The following BTN2A1 variants were observed in gnomAD, a reference collection of about 807,000 sequenced individuals.
The protein encoded by BTN2A1 is butyrophilin subfamily 2 member A1, also known as butyrophilin, subfamily 2, member A1.
Under a neutral mutation model 34.5 loss-of-function variants are expected in BTN2A1, and 41 were observed. That is an observed-to-expected ratio of 1.19 (90% confidence interval 0.93 to 1.54). The LOEUF (loss-of-function observed/expected upper bound fraction) is 1.54, where lower values mean the gene tolerates loss of function less well. Ranked by LOEUF, BTN2A1 falls within the 40% of genes most tolerant of loss-of-function variation. The pLI is 0.00. For missense variants in BTN2A1, 642 were observed against 662.0 expected, an observed-to-expected ratio of 0.97 and a Z score of 0.33; for synonymous variants, 267 against 258.6, an observed-to-expected ratio of 1.03 and a Z score of -0.31.
At chr6:26,466,829 G>A (rs1763328692) in intron 7 of BTN2A1, among the ~76,000 whole-genome samples, 1 of 152,294 alleles carries the variant, frequency 6.6e-6, no homozygotes, top group East Asian at 1.9e-4. Flanking sequence ...TATTAACTTG[G>A]GGAATGGAGG....
At position 26,463,387 on chromosome 6, in the gene BTN2A1, G is replaced by A; in HGVS notation, c.574G>A (p.Val192Ile). Residue 192 changes from valine to isoleucine, a missense_variant, in exon 4 of 8, where the codon GTC becomes ATC. Physicochemically the swap from Val to Ile is conservative, Grantham distance 29. Coordinates refer to ENST00000312541, the MANE Select transcript of BTN2A1 (RefSeq NM_007049.5). ...TGGGGTTGCGCCTGCCCTGAAAGAG[G>A]TCTCCATGCCTGATGCAGACGGCCT... The part of the protein sequence containing the change: ...YGGVAPALKE[V>I]SMPDADGLFM... The A allele has an allele frequency of 6.2e-7, 1 of 1,614,132 alleles. No homozygotes were observed. Among genetic ancestry groups the A allele is most frequent in the Non-Finnish European group, 8.5e-7 (1 of 1,180,008 alleles).
chr6:26,466,425 G>A (rs1763319602), intron 7 of BTN2A1, among the ~76,000 whole-genome samples: 1 of 152,130 alleles, frequency 6.6e-6, no homozygotes. Context: ...TTTGAAAAAA[G>A]ACAATGCTAT....
Position 26,468,071 on chromosome 6 carries a change from TC to T in BTN2A1, c.1107del (p.Phe369LeufsTer8), listed in dbSNP as rs747468459. The T allele has an allele frequency of 1.9e-6, 3 of 1,614,208 alleles. No homozygotes were observed. The highest frequency in any genetic ancestry group is 1.1e-5 in the South Asian group (1 of 91,086). On this transcript the variant is annotated frameshift_variant, in exon 8 of 8. Transcript: ENST00000312541. LOFTEE classifies it low-confidence loss of function (END_TRUNC). ...AGCGTGCCTGACAACCCAGAGAGAT[TC>T]GACAGTCAGCCTTGTGTCCTAGGCC... ...GESVPDNPER[F>X]DSQPCVLGRE...
downstream of BTN2A1, among the ~76,000 whole-genome samples, chr6:26,471,995 T>C (rs541931747): frequency 3.3e-5 from 5 of 152,350 alleles, no homozygotes; most frequent in East Asian, 7.7e-4. Context: ...CTGAATATCA[T>C]TGGCTTTGAC....
At chr6:26,458,856 A>G in intron 2 of BTN2A1, 138 bp downstream of exon 2, 1 of 1,160,884 alleles carries the variant, frequency 8.6e-7, no homozygotes, top group Non-Finnish European at 1.3e-6. Flanking sequence ...AATTTATACC[A>G]GCACTGTCCA....
intron 5 of BTN2A1, 26 bp from the exon 6 acceptor site, chr6:26,465,927 C>A: frequency 6.2e-7 from 1 of 1,614,108 alleles, no homozygotes; most frequent in Non-Finnish European, 8.5e-7. Context: ...CTGTCAAAGA[C>A]ATGATTTTCT....
intron 4 of BTN2A1, 57 bp from the exon 5 acceptor site, chr6:26,465,128 C>G: frequency 6.7e-7 from 1 of 1,497,812 alleles, no homozygotes; most frequent in Middle Eastern, 2.1e-4. Flanking sequence ...CCTAGGGGCA[C>G]TCTTACCCCA....
rs1489909374 is a variant in BTN2A1 at position 26,459,759 on chromosome 6, G to C, written c.361G>C (p.Gly121Arg). 2.5e-6 allele frequency: 4 copies of C among 1,613,978 alleles called. No homozygotes were observed. Among genetic ancestry groups the C allele is most frequent in the Non-Finnish European group, 3.4e-6 (4 of 1,180,004 alleles). Residue 121 changes from glycine (G) to arginine (R), a missense_variant, in exon 3 of 8, where the codon GGC becomes CGC. By Grantham distance (125) the Gly-to-Arg change is moderately radical. Coordinates refer to ENST00000312541, the MANE Select transcript of BTN2A1 (RefSeq NM_007049.5). ...ACACAACATCACAGCCCAGGAAAAC[G>C]GCACCTACCGCTGTTACTTCCAAGA... ...VIHNITAQEN[G>R]TYRCYFQEGR...
chr6:26,463,641 G>A (rs983606969), intron 4 of BTN2A1, 116 bp downstream of exon 4: 35 of 1,254,082 alleles, frequency 2.8e-5, no homozygotes, highest in Non-Finnish European at 3.7e-5. Context: ...GGGCCCTAAG[G>A]ACCTGGAGGC....
chr6:26,464,914 G>T (rs1763267285), intron 4 of BTN2A1, among the ~76,000 whole-genome samples: 1 of 152,194 alleles, frequency 6.6e-6, no homozygotes, highest in South Asian at 2.1e-4. Flanking sequence ...CTTGAGGCAG[G>T]GTGGTGGCTG....
rs1216495888 is a variant in BTN2A1, at chr6:26,465,362, T to G, written c.890T>G (p.Leu297Arg). The change falls in exon 5 of 8, where the codon CTG (leucine) becomes CGG (arginine). Residue 297 changes from leucine (L) to arginine (R), a missense_variant. Transcript: ENST00000312541. ...ACAAGAGAAATTGCTCTAAAGGAAC[T>G]GGAGAAAGAACGTGTGCAAAAAGAG... ...RETREIALKE[L>R]EKERVQKEEE... The G allele has an allele frequency of 1.2e-6, 2 of 1,613,852 alleles. No homozygotes were observed. Among genetic ancestry groups the G allele is most frequent in the Admixed American group, 3.3e-5 (2 of 59,988 alleles).
Position 26,459,608 on chromosome 6 carries a change from G to T in BTN2A1, c.210G>T (p.Gln70His), listed in dbSNP as rs1425296905. 1.9e-6 allele frequency: 3 copies of T among 1,613,884 alleles called. No homozygotes were observed. Among genetic ancestry groups the T allele is most frequent in the Non-Finnish European group, 2.5e-6 (3 of 1,179,998 alleles). The change falls in exon 3 of 8, where the codon CAG becomes CAT. Residue 70 changes from glutamine (Q) to histidine (H), a missense_variant. Coordinates refer to ENST00000312541, the MANE Select transcript of BTN2A1 (RefSeq NM_007049.5). ...EDMEVRWFRS[Q>H]FSPAVFVYKG... is the part of the protein sequence containing the mutation. ...TGGAGGTGCGGTGGTTCCGGTCTCA[G>T]TTCTCCCCCGCAGTGTTTGTGTATA...
At chr6:26,472,327 T>A (rs1763466310), downstream of BTN2A1, among the ~76,000 whole-genome samples, 1 of 152,182 alleles carries the variant, frequency 6.6e-6, no homozygotes, top group South Asian at 2.1e-4. Context: ...GCTTCCCCTG[T>A]CTACAAATGA....
At chr6:26,464,771 G>A (rs1301581044) in intron 4 of BTN2A1, among the ~76,000 whole-genome samples, 7 of 152,216 alleles carry the variant, frequency 4.6e-5, no homozygotes, top group African/African-American at 1.7e-4. Flanking sequence ...GAGTGACGTG[G>A]AAAGCGTTGG....
At chr6:26,459,936 C>A (rs531588884) in intron 3 of BTN2A1, 108 bp downstream of exon 3, 111 of 243,158 alleles carry the variant, frequency 4.6e-4, no homozygotes, top group South Asian at 2.1e-3. Flanking sequence ...GTCTGGACTC[C>A]CTTTTCCACT....
intron 4 of BTN2A1, among the ~76,000 whole-genome samples, chr6:26,464,870 G>A (rs928585200): frequency 6.6e-6 from 1 of 152,066 alleles, no homozygotes; most frequent in African/African-American, 2.4e-5. Flanking sequence ...TAAGAAGGAG[G>A]GCACCGCAGT....
At position 26,465,390 on chromosome 6, in the gene BTN2A1, A is replaced by G. The variant is rs1763284673; in HGVS notation, c.918A>G (p.Glu306=). 6.2e-7 allele frequency: 1 copy of G among 1,613,900 alleles called. No homozygotes were observed. The highest frequency in any genetic ancestry group is 1.3e-5 in the African/African-American group (1 of 74,888). Reference sequence around the variant, plus strand: ...AGAAAGAACGTGTGCAAAAAGAGGAAGAACTTCAAGTAAAAGGTAAAAGAG... The same window carrying G: ...AGAAAGAACGTGTGCAAAAAGAGGAGGAACTTCAAGTAAAAGGTAAAAGAG... ...ELEKERVQKE[E]ELQVKEKLQE... The change falls in exon 5 of 8, where the codon GAA becomes GAG. Residue 306 remains glutamate, a synonymous_variant. Transcript: ENST00000312541.
At chr6:26,475,291 TGTGACCTA>T (rs1442168906) in intron 7 of BTN2A1, among the ~76,000 whole-genome samples, 3 of 152,242 alleles carry the variant, frequency 2.0e-5, no homozygotes, top group Non-Finnish European at 4.4e-5. Flanking sequence ...CTTGCTTAAC[TGTGACCTA>T]GTGACCTCCT....
Position 26,465,393 on chromosome 6 carries a change from A to T in BTN2A1, c.921A>T (p.Glu307Asp), listed in dbSNP as rs750527056. 18 of 1,613,934 alleles carry T rather than the reference A, an allele frequency of 1.1e-5. No homozygotes were observed. The highest frequency in any genetic ancestry group is 1.5e-5 in the Non-Finnish European group (18 of 1,179,962). Residue 307 changes from glutamate (E) to aspartate (D), a missense_variant, in exon 5 of 8, where the codon GAA (glutamate) becomes GAT (aspartate). Coordinates refer to ENST00000312541, the MANE Select transcript of BTN2A1 (RefSeq NM_007049.5). Reference protein sequence around the residue: ...LEKERVQKEEELQVKEKLQEE... With the variant: ...LEKERVQKEEDLQVKEKLQEE... ...AAGAACGTGTGCAAAAAGAGGAAGAACTTCAAGTAAAAGGTAAAAGAGGCT... is the reference window on the plus strand; with the variant it reads ...AAGAACGTGTGCAAAAAGAGGAAGATCTTCAAGTAAAAGGTAAAAGAGGCT...
Sources: allele counts gnomAD v4.1 joint callset (sites outside exome capture counted in the v4.1 genomes callset), GRCh38; gene constraint gnomAD v4.1.1; transcripts MANE v1.5; gene names NCBI Gene and HGNC (gene_info 2026-07-23, HGNC 2026-07-21).